The following PRICKLE2 variants were observed in gnomAD, a reference collection of about 807,000 sequenced individuals.
PRICKLE2 encodes the protein prickle-like protein 2.
PRICKLE2 carries 21 observed loss-of-function variants against 81.4 expected under a neutral mutation model. The ratio of observed to expected loss-of-function variants is 0.26; its 90% CI spans 0.18 to 0.37. The LOEUF is 0.37. Ranked by LOEUF, PRICKLE2 falls within the 10% of genes least tolerant of loss-of-function variation. PRICKLE2 has a pLI of 1.00. For synonymous variants in PRICKLE2, 456 were observed against 421.5 expected, an observed-to-expected ratio of 1.08 and a Z score of -1.00; for missense variants, 940 against 1,109.0, an observed-to-expected ratio of 0.85 and a Z score of 2.16.
At chr3:64,247,554 G>A (rs2079376412) in intron 2 of PRICKLE2, among the ~76,000 whole-genome samples, 1 of 152,078 alleles carries the variant, frequency 6.6e-6, no homozygotes, top group African/African-American at 2.4e-5. Context: ...TGAATCCATT[G>A]TTTAGCTATG....
intron 1 of PRICKLE2, among the ~76,000 whole-genome samples, chr3:64,219,000 A>G (rs1407491662): frequency 6.6e-6 from 1 of 152,160 alleles, no homozygotes; most frequent in Non-Finnish European, 1.5e-5. Context: ...CACACTGCCC[A>G]CTGACACCCC....
intron 2 of PRICKLE2, among the ~76,000 whole-genome samples, chr3:64,258,891 A>T (rs1307793528): frequency 6.7e-6 from 1 of 150,272 alleles, no homozygotes; most frequent in Non-Finnish European, 1.5e-5. Flanking sequence ...GAAAGAAAGA[A>T]AGAAATCAGG....
intron 7 of PRICKLE2, among the ~76,000 whole-genome samples, chr3:64,111,048 T>G (rs1489497672): frequency 6.7e-6 from 1 of 150,198 alleles, no homozygotes; most frequent in African/African-American, 2.5e-5. Flanking sequence ...AGGGGACTGG[T>G]GAAAGCATTG....
chr3:64,146,999 G>A lies in PRICKLE2; in HGVS notation c.1491C>T (p.Ser497=). ...CCTCCTCATATTTGGGGACTTGGAT[G>A]CTGCCTCGGGTCTCACTGAAACTCT... is the stretch of plus-strand genomic sequence containing the variant. The part of the protein sequence containing the change: ...SSQSFSETRG[S]IQVPKYEEEE... Residue 497 remains serine (S), a synonymous_variant, in exon 7 of 8, where the codon AGC becomes AGT. Coordinates refer to ENST00000638394, the MANE Select transcript of PRICKLE2 (RefSeq NM_198859.4). The A allele has an allele frequency of 6.2e-7, 1 of 1,614,090 alleles. No homozygotes were observed. The highest frequency in any genetic ancestry group is 8.5e-7 in the Non-Finnish European group (1 of 1,180,024).
intron 2 of PRICKLE2, among the ~76,000 whole-genome samples, chr3:64,234,039 A>C (rs2079145109): frequency 6.6e-6 from 1 of 152,206 alleles, no homozygotes; most frequent in African/African-American, 2.4e-5. Context: ...CCATTGTACT[A>C]ATATACATCA....
intron 1 of PRICKLE2, among the ~76,000 whole-genome samples, chr3:64,202,645 CGTGTGTGTGT>C (rs71099794): frequency 6.7e-6 from 1 of 149,326 alleles, no homozygotes; most frequent in Non-Finnish European, 1.5e-5. Flanking sequence ...TACTTGTGTG[CGTGTGTGTGT>C]GTGTGTGTGT....
Position 64,095,958 on chromosome 3 carries a change from C to G in PRICKLE2, c.*3093G>C, listed in dbSNP as rs565471683. 1 of 152,344 alleles carries G rather than the reference C, an allele frequency of 6.6e-6. No homozygotes were observed. Among genetic ancestry groups the G allele is most frequent in the South Asian group, 2.1e-4 (1 of 4,826 alleles). 9.4% of individuals were successfully genotyped at this position (152,344 alleles called of 1,614,324 possible). ...GCGCCCTGAATACCATCCTCAATGC[C>G]ACCTGGCTGCCAAGAAGCCTTTTCA... On this transcript the variant is annotated 3_prime_UTR_variant, in exon 8 of 8. Transcript: ENST00000638394.
At chr3:64,167,561 T>G (rs967392618) in intron 2 of PRICKLE2, among the ~76,000 whole-genome samples, 2 of 152,214 alleles carry the variant, frequency 1.3e-5, no homozygotes, top group Non-Finnish European at 1.5e-5. Context: ...CTTTAGTCAG[T>G]GCGCATATAA....
intron 2 of PRICKLE2, among the ~76,000 whole-genome samples, chr3:64,177,857 C>T (rs577370390): frequency 6.6e-6 from 1 of 152,274 alleles, no homozygotes; most frequent in South Asian, 2.1e-4. Context: ...GATAATGCTT[C>T]AGTGAATGTT....
At chr3:64,183,898 T>C (rs190605681) in intron 2 of PRICKLE2, among the ~76,000 whole-genome samples, 12 of 152,348 alleles carry the variant, frequency 7.9e-5, no homozygotes, top group African/African-American at 2.9e-4. Flanking sequence ...TCCCTGGGTA[T>C]TTACCCTGAT....
At chr3:64,263,098 C>T (rs546208278) in intron 2 of PRICKLE2, among the ~76,000 whole-genome samples, 3 of 152,292 alleles carry the variant, frequency 2.0e-5, no homozygotes, top group Admixed American at 6.5e-5. Flanking sequence ...TGTAAAACAT[C>T]GTATGTTCCA....
upstream of PRICKLE2, among the ~76,000 whole-genome samples, chr3:64,228,296 G>A (rs142805436): frequency 2.5e-4 from 38 of 152,304 alleles, no homozygotes; most frequent in African/African-American, 8.7e-4. Context: ...AGAATGGGGT[G>A]TGTGTTATGG....
chr3:64,095,009 A>C lies in PRICKLE2; in HGVS notation c.*4042T>G, dbSNP rs2076551210. The C allele has an allele frequency of 6.6e-6, 1 of 152,632 alleles. No homozygotes were observed. The highest frequency in any genetic ancestry group is 1.5e-5 in the Non-Finnish European group (1 of 68,034). The allele number at this position is 152,632 out of a possible 1,614,324, so 9.5% of individuals were successfully genotyped here. On this transcript the variant is annotated 3_prime_UTR_variant, in exon 8 of 8. Transcript: ENST00000638394. ...TTGTCATGGACGGATCTTCCTTCTT[A>C]GGCTTAAGCATCTGTTTTCTGCTAG...
intron 1 of PRICKLE2, among the ~76,000 whole-genome samples, chr3:64,201,462 T>C (rs2078577873): frequency 6.6e-6 from 1 of 152,220 alleles, no homozygotes; most frequent in Admixed American, 6.5e-5. Context: ...CAGTATTTAA[T>C]TGTGGTTTTG....
At chr3:64,206,861 A>C (rs961192602) in intron 1 of PRICKLE2, among the ~76,000 whole-genome samples, 2 of 152,200 alleles carry the variant, frequency 1.3e-5, no homozygotes, top group African/African-American at 4.8e-5. Context: ...GATGTATCCT[A>C]GGTATTTAAA....
At chr3:64,183,753 T>C (rs1358914239) in intron 2 of PRICKLE2, among the ~76,000 whole-genome samples, 2 of 152,182 alleles carry the variant, frequency 1.3e-5, no homozygotes, top group Non-Finnish European at 2.9e-5. Flanking sequence ...ACAATCCAAA[T>C]GGGAAATAGA....
intron 2 of PRICKLE2, among the ~76,000 whole-genome samples, chr3:64,252,661 G>A (rs1356819779): frequency 6.6e-6 from 1 of 152,206 alleles, no homozygotes; most frequent in African/African-American, 2.4e-5. Flanking sequence ...GGTGGGAAGA[G>A]GCATGGGAGT....
intron 2 of PRICKLE2, among the ~76,000 whole-genome samples, chr3:64,246,428 A>C (rs222336): frequency 0.84 from 127,662 of 152,124 alleles, 53,944 homozygotes; most frequent in Non-Finnish European, 0.88. Flanking sequence ...CACCCCCACA[A>C]CCCTACCTTC....
chr3:64,232,301 G>A (rs930461817), intron 2 of PRICKLE2, among the ~76,000 whole-genome samples: 1 of 152,184 alleles, frequency 6.6e-6, no homozygotes, highest in Non-Finnish European at 1.5e-5. Context: ...AGGATCTACT[G>A]CTTTGTGGCC....
Sources: gnomAD v4.1 joint callset for allele counts (sites outside exome capture counted in the v4.1 genomes callset) on GRCh38, gnomAD v4.1.1 for gene constraint, MANE v1.5 for transcripts, NCBI Gene and HGNC (gene_info 2026-07-23, HGNC 2026-07-21) for gene names.